The following KIAA1549L variants were observed in gnomAD, a reference collection of about 807,000 sequenced individuals.
The protein encoded by KIAA1549L is KIAA1549 like, also known as UPF0606 protein KIAA1549L.
In KIAA1549L, 88 loss-of-function variants were observed where a neutral mutation model predicts 160.7. That is an observed-to-expected ratio of 0.55 (90% CI 0.46 to 0.65). The LOEUF (loss-of-function observed/expected upper bound fraction) is 0.65. KIAA1549L is among the 30% of genes least tolerant of loss of function. The pLI is 0.00. For missense variants in KIAA1549L, 2,258 were observed against 2,437.5 expected (o/e 0.93, Z 1.55); for synonymous variants, 950 against 976.7 (o/e 0.97, Z 0.51).
chr11:33,392,710 T>C (rs1386040658), intron 1 of KIAA1549L, among the ~76,000 whole-genome samples: 1 of 147,588 alleles, frequency 6.8e-6, no homozygotes, highest in African/African-American at 2.5e-5. Context: ...TATCACGCAG[T>C]TAAAAAACAA....
At chr11:33,606,506 CA>C in intron 13 of KIAA1549L, 134 bp from the exon 14 acceptor site, 1 of 793,652 alleles carries the variant, frequency 1.3e-6, no homozygotes, top group Non-Finnish European at 2.0e-6. Flanking sequence ...GTCCTTGGCA[CA>C]GAAGCAGATG....
chr11:33,539,303 A>G (rs1025653749), intron 1 of KIAA1549L, among the ~76,000 whole-genome samples: 2 of 152,214 alleles, frequency 1.3e-5, no homozygotes, highest in African/African-American at 4.8e-5. Context: ...TTTTTACTAT[A>G]TACCTCTTAT....
chr11:33,593,282 A>G (rs74449941), intron 12 of KIAA1549L, among the ~76,000 whole-genome samples: 6 of 152,130 alleles, frequency 3.9e-5, no homozygotes, highest in Admixed American at 1.3e-4. Flanking sequence ...AAAATTATAT[A>G]AAAAATATTA....
At chr11:33,541,563 A>G (rs1854022527) in intron 1 of KIAA1549L, among the ~76,000 whole-genome samples, 1 of 152,212 alleles carries the variant, frequency 6.6e-6, no homozygotes, top group Admixed American at 6.5e-5. Flanking sequence ...AGTATTTTCA[A>G]CATCTTGCCT....
At chr11:33,563,670 G>T (rs570108657) in intron 8 of KIAA1549L, among the ~76,000 whole-genome samples, 1 of 152,270 alleles carries the variant, frequency 6.6e-6, no homozygotes, top group Non-Finnish European at 1.5e-5. Context: ...TGCTAAGAAG[G>T]CAAACAAAAA....
At chr11:33,516,667 CTAAT>C (rs761605839) in intron 1 of KIAA1549L, among the ~76,000 whole-genome samples, 44 of 152,272 alleles carry the variant, frequency 2.9e-4, no homozygotes, top group Non-Finnish European at 4.6e-4. Context: ...CTTTTTCTTC[CTAAT>C]TATTCAGTCT....
chr11:33,539,745 A>G (rs1415430229), intron 1 of KIAA1549L, among the ~76,000 whole-genome samples: 2 of 152,184 alleles, frequency 1.3e-5, no homozygotes, highest in Non-Finnish European at 2.9e-5. Flanking sequence ...GACACTTGTC[A>G]TTTCTGCTTA....
chr11:33,411,252 T>C (rs1213354295), intron 1 of KIAA1549L, among the ~76,000 whole-genome samples: 1 of 152,226 alleles, frequency 6.6e-6, no homozygotes, highest in Non-Finnish European at 1.5e-5. Context: ...GATGATAGCC[T>C]TACTTTATTG....
intron 1 of KIAA1549L, among the ~76,000 whole-genome samples, chr11:33,534,794 G>A (rs114982857): frequency 0.015 from 2,254 of 152,166 alleles, 48 homozygotes; most frequent in African/African-American, 0.051. Context: ...CTTTTTGACT[G>A]TCTTGATGGC....
At chr11:33,561,868 C>T (rs1854869202) in intron 8 of KIAA1549L, 133 bp downstream of exon 8, 13 of 667,850 alleles carry the variant, frequency 1.9e-5, no homozygotes, top group Non-Finnish European at 3.4e-5. Flanking sequence ...GTTACTTCTA[C>T]AGGACCAGAA....
chr11:33,511,015 G>A (rs530448663), intron 1 of KIAA1549L, among the ~76,000 whole-genome samples: 13 of 152,346 alleles, frequency 8.5e-5, no homozygotes, highest in Admixed American at 5.9e-4. Flanking sequence ...CTTTCCAAGT[G>A]TGCCTTCCTA....
chr11:33,426,933 C>G (rs1354082586), intron 1 of KIAA1549L, among the ~76,000 whole-genome samples: 1 of 152,174 alleles, frequency 6.6e-6, no homozygotes, highest in Admixed American at 6.5e-5. Flanking sequence ...TCTGTTTAAG[C>G]ATAGACTAGC....
chr11:33,413,496 G>A (rs1339616680), intron 1 of KIAA1549L, among the ~76,000 whole-genome samples: 2 of 151,150 alleles, frequency 1.3e-5, no homozygotes, highest in African/African-American at 4.9e-5. Flanking sequence ...GGCCTATGAA[G>A]CATGGTTTTT....
chr11:33,672,973 T>C lies in KIAA1549L; in HGVS notation c.*4819T>C, dbSNP rs1015673066. 6.5e-6 allele frequency: 1 copy of C among 153,420 alleles called. No individual in the cohort carries two copies. The highest frequency in any genetic ancestry group is 6.5e-5 in the Admixed American group (1 of 15,284). The allele number at this position is 153,420 out of a possible 1,614,324, so 9.5% of individuals were successfully genotyped here. On this transcript the variant is annotated 3_prime_UTR_variant, in exon 21 of 21. Transcript: ENST00000658780. The stretch of plus-strand genomic sequence containing the variant: ...AACAAAATTGGTTTCAAGTGAAACT[T>C]ACATTATTTTTTGGCTGTGACCTTC...
In KIAA1549L at chr11:33,543,523, G is replaced by A. The variant is rs886870651; in HGVS notation, c.1960G>A (p.Ala654Thr). Residue 654 changes from alanine to threonine, a missense_variant, in exon 2 of 21, where the codon GCT becomes ACT. Ala to Thr is a moderately conservative substitution (Grantham distance 58). Coordinates refer to ENST00000658780, the MANE Select transcript of KIAA1549L (RefSeq NM_012194.3). ...FSSTKPEAYAAAVDHSGLPAS... is the reference protein window; with the variant it reads ...FSSTKPEAYATAVDHSGLPAS... ...CAGCACCAAGCCAGAGGCTTATGCA[G>A]CTGCTGTGGACCATTCTGGGTTGCC... 6 of 1,613,922 alleles carry A rather than the reference G, an allele frequency of 3.7e-6. No individual in the cohort carries two copies. The highest frequency in any genetic ancestry group is 4.2e-6 in the Non-Finnish European group (5 of 1,179,906).
chr11:33,638,438 A>AT (rs1851502028), intron 16 of KIAA1549L, among the ~76,000 whole-genome samples: 1 of 19,692 alleles, frequency 5.1e-5, no homozygotes, highest in Non-Finnish European at 8.5e-5. Context: ...AAAAAAAAAT[A>AT]AATAAATAAA....
intron 11 of KIAA1549L, among the ~76,000 whole-genome samples, chr11:33,583,836 G>A (rs975691229): frequency 2.0e-5 from 3 of 152,190 alleles, no homozygotes; most frequent in African/African-American, 4.8e-5. Flanking sequence ...TAGAGATAAT[G>A]TAATCAGACT....
At chr11:33,476,769 A>G (rs1023728702) in intron 1 of KIAA1549L, among the ~76,000 whole-genome samples, 1 of 152,198 alleles carries the variant, frequency 6.6e-6, no homozygotes, top group African/African-American at 2.4e-5. Flanking sequence ...AAAAATGTGC[A>G]CCCTATTACA....
At chr11:33,393,119 C>T (rs532527346) in intron 1 of KIAA1549L, among the ~76,000 whole-genome samples, 1 of 152,198 alleles carries the variant, frequency 6.6e-6, no homozygotes, top group Admixed American at 6.6e-5. Flanking sequence ...AATCTGGGTC[C>T]TTTATGAATG....
Sources: allele counts gnomAD v4.1 joint callset (sites outside exome capture counted in the v4.1 genomes callset), GRCh38; gene constraint gnomAD v4.1.1; transcripts MANE v1.5; gene names NCBI Gene and HGNC (gene_info 2026-07-23, HGNC 2026-07-21).